Variants in LCAT observed in about 807,000 individuals in gnomAD.
LCAT encodes the protein phosphatidylcholine-sterol acyltransferase.
In LCAT, 15 loss-of-function variants were observed where a neutral mutation model predicts 41.0. The observed-to-expected ratio is 0.37, with a 90% CI of 0.24 to 0.56. The LOEUF (loss-of-function observed/expected upper bound fraction) is 0.56, where lower values mean the gene tolerates loss of function less well. Ranked by LOEUF, LCAT falls within the 20% of genes least tolerant of loss-of-function variation. The probability of loss-of-function intolerance (pLI) is 0.81; values close to 1 mark genes in which losing one functional copy is unlikely to be tolerated. For missense variants in LCAT, 449 were observed against 595.1 expected (o/e 0.75, Z 2.55); for synonymous variants, 248 against 245.4 (o/e 1.01, Z -0.10).
rs892384234 is a variant in LCAT at position 67,943,301 on chromosome 16, C to T, written c.155-89G>A. On this transcript the variant is annotated intron_variant, in intron 1 of 5. Transcript: ENST00000264005. The surrounding 1 kb of genome is among the most constrained non-coding windows in gnomAD (Gnocchi z 4.6). Reference sequence around the variant, plus strand: ...CAGATGCTGCAGTGACCAGACCCACCCCCCACCTCCCATACCCTCAACCCC... The same window carrying T: ...CAGATGCTGCAGTGACCAGACCCACTCCCCACCTCCCATACCCTCAACCCC... The T allele has an allele frequency of 6.0e-5, 82 of 1,361,918 alleles. No individual in the cohort carries two copies. The African/African-American group carries it at 1.1e-3, about 19-fold the overall frequency. The allele number at this position is 1,361,918 out of a possible 1,614,324, so 84.4% of individuals were successfully genotyped here. A position where few individuals can be genotyped will look rare whatever the true frequency, so the allele number is the denominator to read the frequency against.
At position 67,943,518 on chromosome 16, in the gene LCAT, G is replaced by C; in HGVS notation, c.155-306C>G. 1 of 521,624 alleles carries C rather than the reference G, an allele frequency of 1.9e-6. No individual in the cohort carries two copies. The highest frequency in any genetic ancestry group is 3.5e-6 in the Non-Finnish European group (1 of 286,662). The allele number at this position is 521,624 out of a possible 1,614,324, so 32.3% of individuals were successfully genotyped here. A position where few individuals can be genotyped will look rare whatever the true frequency, so the allele number is the denominator to read the frequency against. ...ATTGCCAAAGTCCAAGGTGGGAACA[G>C]ATAGGTCTGGGGGCATGGGGGCTGG... On this transcript the variant is annotated intron_variant, in intron 1 of 5. Transcript: ENST00000264005. The surrounding 1 kb of genome is among the most constrained non-coding windows in gnomAD (Gnocchi z 4.6).
Position 67,942,599 on chromosome 16 carries a change from G to C in LCAT, c.524-12C>G, listed in dbSNP as rs750602465. On this transcript the variant is annotated splice_polypyrimidine_tract_variant and intron_variant, in intron 4 of 5. Transcript: ENST00000264005. This position sits in a 1 kb window ranked among gnomAD's most constrained non-coding sequence, Gnocchi z 6.6. ...CTCCTCCTGCTGGCCTGCAGCGGGT[G>C]GAAGGGGTCAGGGCAGCTGGGGTCT... The C allele has an allele frequency of 1.9e-6, 3 of 1,613,070 alleles. No individual in the cohort carries two copies. The highest frequency in any genetic ancestry group is 2.5e-6 in the Non-Finnish European group (3 of 1,179,946).
rs996523378 is a variant in LCAT, at chr16:67,940,354, G to C, written c.873C>G (p.Ser291=). 3.1e-6 allele frequency: 5 copies of C among 1,614,142 alleles called. No homozygotes were observed. The highest frequency in any genetic ancestry group is 1.6e-4 in the Middle Eastern group (1 of 6,062). Residue 291 remains serine, a synonymous_variant, in exon 6 of 6, where the codon TCC becomes TCG. Coordinates refer to ENST00000264005, the MANE Select transcript of LCAT (RefSeq NM_000229.2). ...GGCCTGTGTAGTTGAAGCTGGGTGT[G>C]GAAATGAACACGTGGTCCTCAGGCC... ...MAWPEDHVFI[S]TPSFNYTGRD... is the part of the protein sequence containing the mutation.
At position 67,944,051 on chromosome 16, in the gene LCAT, C is replaced by T; in HGVS notation, c.51G>A (p.Leu17=). The T allele has an allele frequency of 6.5e-7, 1 of 1,547,732 alleles. No homozygotes were observed. The highest frequency in any genetic ancestry group is 2.4e-5 in the East Asian group (1 of 40,876). ...AGAAGGGGGCGGCAGGAGGGAGCAG[C>T]AGCCCCAGCAGCAGCGTCACCCACT... ...PWQWVTLLLG[L]LLPPAAPFWL... The change falls in exon 1 of 6, where the codon CTG becomes CTA. Residue 17 remains leucine (L), a synonymous_variant. Coordinates refer to ENST00000264005, the MANE Select transcript of LCAT (RefSeq NM_000229.2). The surrounding 1 kb of genome is among the most constrained non-coding windows in gnomAD (Gnocchi z 6.6).
At position 67,942,895 on chromosome 16, in the gene LCAT, G is replaced by A. The variant is rs1231372622; in HGVS notation, c.393C>T (p.Tyr131=). ...TGCTGCTGTCCAGGTACTCCACAGA[G>A]TAGGTCTTGCCAAAGCCAGGGACGC... is the stretch of plus-strand genomic sequence containing the variant. ...QIRVPGFGKT[Y]SVEYLDSSKL... is the part of the protein sequence containing the mutation. Residue 131 remains tyrosine, a synonymous_variant, in exon 3 of 6, where the codon TAC becomes TAT. Coordinates refer to ENST00000264005, the MANE Select transcript of LCAT (RefSeq NM_000229.2). The surrounding 1 kb of genome is among the most constrained non-coding windows in gnomAD (Gnocchi z 6.6). 1.2e-6 allele frequency: 2 copies of A among 1,613,854 alleles called. No individual in the cohort carries two copies. The highest frequency in any genetic ancestry group is 2.2e-5 in the East Asian group (1 of 44,882).
Position 67,942,086 on chromosome 16 carries a change from C to T in LCAT, c.748+277G>A. ...CAGGCAAGGGCTGGGCAGGCAGGCT[C>T]TGGGGCTACAAGAACAAACCCTGGG... On this transcript the variant is annotated intron_variant, in intron 5 of 5. Coordinates refer to ENST00000264005, the MANE Select transcript of LCAT (RefSeq NM_000229.2). The surrounding 1 kb of genome is among the most constrained non-coding windows in gnomAD (Gnocchi z 6.6). 5 of 1,350,160 alleles carry T rather than the reference C, an allele frequency of 3.7e-6. No individual in the cohort carries two copies. The highest frequency in any genetic ancestry group is 4.8e-6 in the Non-Finnish European group (5 of 1,044,138). 83.6% of individuals were successfully genotyped at this position (1,350,160 alleles called of 1,614,324 possible). A position where few individuals can be genotyped will look rare whatever the true frequency, so the allele number is the denominator to read the frequency against.
rs2058295329 is a variant in LCAT at position 67,942,261 on chromosome 16, G to T, written c.748+102C>A. 3.0e-6 allele frequency: 4 copies of T among 1,351,960 alleles called. No homozygotes were observed. In the Admixed American group the frequency reaches 7.7e-5, roughly 26 times the overall value. 83.7% of individuals were successfully genotyped at this position (1,351,960 alleles called of 1,614,324 possible). On this transcript the variant is annotated intron_variant, in intron 5 of 5. Transcript: ENST00000264005. The surrounding 1 kb of genome is among the most constrained non-coding windows in gnomAD (Gnocchi z 6.6). ...CATGCCAGCCCAGGAGTGGTAGATA[G>T]CACCCCTAGAGGCCACTGTGAGCAG...
chr16:67,942,985 C>G lies in LCAT; in HGVS notation c.312-9G>C. The G allele has an allele frequency of 2.5e-6, 4 of 1,613,620 alleles. No homozygotes were observed. Among genetic ancestry groups the G allele is most frequent in the Non-Finnish European group, 2.5e-6 (3 of 1,179,894 alleles). On this transcript the variant is annotated splice_polypyrimidine_tract_variant and intron_variant, in intron 2 of 5. Coordinates refer to ENST00000264005, the MANE Select transcript of LCAT (RefSeq NM_000229.2). This position sits in a 1 kb window ranked among gnomAD's most constrained non-coding sequence, Gnocchi z 6.6. ...TCCGGTTGTAGACAACCCTGCGGGG[C>G]GGGGGTGCCACTCAGCAGCCAGTAG... is the stretch of plus-strand genomic sequence containing the variant.
Position 67,942,402 on chromosome 16 carries a change from A to G in LCAT, c.709T>C (p.Trp237Arg). The change falls in exon 5 of 6, where the codon TGG becomes CGG. Residue 237 changes from tryptophan to arginine, a missense_variant. Coordinates refer to ENST00000264005, the MANE Select transcript of LCAT (RefSeq NM_000229.2). This position sits in a 1 kb window ranked among gnomAD's most constrained non-coding sequence, Gnocchi z 6.6. ...AGCATGGGCTTGATGGAGCCACCCC[A>G]GGGAGCCCCAAGAGAGATGAAGCCA... is the stretch of plus-strand genomic sequence containing the variant. Reference protein sequence around the residue: ...IDGFISLGAPWGGSIKPMLVL... With the variant: ...IDGFISLGAPRGGSIKPMLVL... 1 of 1,613,968 alleles carries G rather than the reference A, an allele frequency of 6.2e-7. No individual in the cohort carries two copies. The highest frequency in any genetic ancestry group is 8.5e-7 in the Non-Finnish European group (1 of 1,179,998).
chr16:67,940,732 C>A, intron 5 of LCAT: 1 of 558,670 alleles, frequency 1.8e-6, no homozygotes, highest in Non-Finnish European at 3.1e-6. Context: ...GGCACCATGG[C>A]TCACCCCTGT....
At position 67,942,847 on chromosome 16, in the gene LCAT, C is replaced by T; in HGVS notation, c.427+14G>A. 1 of 1,613,384 alleles carries T rather than the reference C, an allele frequency of 6.2e-7. No individual in the cohort carries two copies. The highest frequency in any genetic ancestry group is 8.5e-7 in the Non-Finnish European group (1 of 1,179,866). On this transcript the variant is annotated intron_variant, in intron 3 of 5. Transcript: ENST00000264005. The surrounding 1 kb of genome is among the most constrained non-coding windows in gnomAD (Gnocchi z 6.6). ...CCCAGGCCTGGAGCCCCAGCCCTGC[C>T]CTCTGACACAAACCTGCCAGCTTGC... is the stretch of plus-strand genomic sequence containing the variant.
In LCAT at chr16:67,942,652, C is replaced by A. The variant is rs745488236; in HGVS notation, c.523+19G>T. On this transcript the variant is annotated intron_variant, in intron 4 of 5. Transcript: ENST00000264005. This position sits in a 1 kb window ranked among gnomAD's most constrained non-coding sequence, Gnocchi z 6.6. The stretch of plus-strand genomic sequence containing the variant: ...GGCACCTGCCCCACCCCAAGCCGGT[C>A]ATCCGCAGAGACACTCACCGGGCTC... 1 of 1,612,824 alleles carries A rather than the reference C, an allele frequency of 6.2e-7. No individual in the cohort carries two copies. Among genetic ancestry groups the A allele is most frequent in the South Asian group, 1.1e-5 (1 of 91,078 alleles).
At position 67,940,121 on chromosome 16, in the gene LCAT, TCAC is replaced by T. The variant is rs760296361; in HGVS notation, c.1103_1105del (p.Gly368del). Reference sequence around the variant, plus strand: ...GGTGCTGCGGGTCGCCACCGTGTCATCACCATCCTCATAGAGCACACCCACAGG... The same window carrying T: ...GGTGCTGCGGGTCGCCACCGTGTCATCATCCTCATAGAGCACACCCACAGG... On this transcript the variant is annotated inframe_deletion, in exon 6 of 6. Coordinates refer to ENST00000264005, the MANE Select transcript of LCAT (RefSeq NM_000229.2). 1 of 1,613,294 alleles carries T rather than the reference TCAC, an allele frequency of 6.2e-7. No homozygotes were observed. Among genetic ancestry groups the T allele is most frequent in the Admixed American group, 1.7e-5 (1 of 60,028 alleles).
At position 67,944,001 on chromosome 16, in the gene LCAT, G is replaced by C. The variant is rs121908051; in HGVS notation, c.101C>G (p.Pro34Arg). ...PFWLLNVLFP[P>R]HTTPKAELSN... The stretch of plus-strand genomic sequence containing the variant: ...GAGCTCAGCCTTGGGCGTGGTGTGC[G>C]GGGGGAAGAGCACATTGAGGAGCCA... Residue 34 changes from proline (P) to arginine (R), a missense_variant, in exon 1 of 6, where the codon CCG becomes CGG. Pro to Arg is a moderately radical substitution (Grantham distance 103, BLOSUM62 -2). Coordinates refer to ENST00000264005, the MANE Select transcript of LCAT (RefSeq NM_000229.2). The surrounding 1 kb of genome is among the most constrained non-coding windows in gnomAD (Gnocchi z 6.6). The C allele has an allele frequency of 1.3e-6, 2 of 1,548,214 alleles. No individual in the cohort carries two copies. The highest frequency in any genetic ancestry group is 1.7e-6 in the Non-Finnish European group (2 of 1,145,686).
chr16:67,940,665 C>A (rs1021325277), intron 5 of LCAT, 187 bp from the exon 6 acceptor site: 6 of 1,026,006 alleles, frequency 5.8e-6, no homozygotes, highest in Non-Finnish European at 8.3e-6. Context: ...CAATGAGAAG[C>A]CCTGATAAGA....
rs549941664 is a variant in LCAT, at chr16:67,943,724, C to T, written c.154+224G>A. 1 of 572,820 alleles carries T rather than the reference C, an allele frequency of 1.7e-6. No individual in the cohort carries two copies. The highest frequency in any genetic ancestry group is 1.9e-5 in the African/African-American group (1 of 53,590). 35.5% of individuals were successfully genotyped at this position (572,820 alleles called of 1,614,324 possible). On this transcript the variant is annotated intron_variant, in intron 1 of 5. Coordinates refer to ENST00000264005, the MANE Select transcript of LCAT (RefSeq NM_000229.2). The surrounding 1 kb of genome is among the most constrained non-coding windows in gnomAD (Gnocchi z 4.6). Reference sequence around the variant, plus strand: ...AAGACCTCAGGCACACCCCGTCCCCCACTCCGCCCCCCCTGGGTTAGACAA... The same window carrying T: ...AAGACCTCAGGCACACCCCGTCCCCTACTCCGCCCCCCCTGGGTTAGACAA...
intron 5 of LCAT, 69 bp from the exon 6 acceptor site, chr16:67,940,547 G>A (rs1488611200): frequency 1.3e-6 from 2 of 1,598,812 alleles, no homozygotes; most frequent in African/African-American, 2.7e-5. Context: ...CCTGCTGAGT[G>A]TAGGCTCAGC....
At chr16:67,940,607 C>T (rs534866482) in intron 5 of LCAT, 129 bp from the exon 6 acceptor site, 3 of 1,406,436 alleles carry the variant, frequency 2.1e-6, no homozygotes, top group South Asian at 1.3e-5. Flanking sequence ...CTCTAAGCCA[C>T]AGGCTTGAGC....
Position 67,939,781 on chromosome 16 carries a change from T to G in LCAT, c.*123A>C. ...GTCCCAGGCCTCAGCAGAGCCCATC[T>G]TGCCTCACTGCACACAGCACTGAGC... On this transcript the variant is annotated 3_prime_UTR_variant, in exon 6 of 6. Coordinates refer to ENST00000264005, the MANE Select transcript of LCAT (RefSeq NM_000229.2). The G allele has an allele frequency of 1.3e-6, 2 of 1,498,010 alleles. No individual in the cohort carries two copies. Among genetic ancestry groups the G allele is most frequent in the Non-Finnish European group, 1.8e-6 (2 of 1,114,644 alleles). The allele number at this position is 1,498,010 out of a possible 1,614,324, so 92.8% of individuals were successfully genotyped here. A position where few individuals can be genotyped will look rare whatever the true frequency, so the allele number is the denominator to read the frequency against.
Sources: gnomAD v4.1 joint callset for allele counts on GRCh38, gnomAD v4.1.1 for gene constraint, Gnocchi (gnomAD v3.1) non-coding constraint, MANE v1.5 for transcripts, NCBI Gene and HGNC (gene_info 2026-07-23, HGNC 2026-07-21) for gene names.